Variants in CCT4 observed in about 807,000 individuals in gnomAD.
The protein encoded by CCT4 is T-complex protein 1 subunit delta.
A neutral mutation model predicts 62.5 loss-of-function variants in CCT4; 17 were observed. That is an observed-to-expected ratio of 0.27 (90% CI 0.19 to 0.41). The LOEUF (loss-of-function observed/expected upper bound fraction) is 0.41. Among genes scored for constraint, CCT4 ranks in the 10% least tolerant of loss-of-function variants. The pLI is 1.00. For missense variants in CCT4, 592 were observed against 659.2 expected, an observed-to-expected ratio of 0.90 and a Z score of 1.12; for synonymous variants, 250 against 229.9, an observed-to-expected ratio of 1.09 and a Z score of -0.79.
At chr2:61,873,462 T>C (rs561001554) in intron 8 of CCT4, among the ~76,000 whole-genome samples, 169 bp from the exon 9 acceptor site, 2 of 152,224 alleles carry the variant, frequency 1.3e-5, no homozygotes, top group Non-Finnish European at 2.9e-5. Context: ...TCCAATTCTA[T>C]TGGAAATTTT....
chr2:61,876,533 G>A (rs938295672), intron 7 of CCT4, among the ~76,000 whole-genome samples: 2 of 152,146 alleles, frequency 1.3e-5, no homozygotes, highest in Non-Finnish European at 2.9e-5. Context: ...TAATCTGTGT[G>A]AATTTGTAAA....
intron 10 of CCT4, among the ~76,000 whole-genome samples, 164 bp from the exon 11 acceptor site, chr2:61,872,752 C>T (rs1224665521): frequency 6.6e-6 from 1 of 152,178 alleles, no homozygotes; most frequent in Non-Finnish European, 1.5e-5. Context: ...ACAGTGAAAC[C>T]CCGTCTCTAC....
chr2:61,877,580 C>CA, intron 5 of CCT4, 66 bp from the exon 6 acceptor site: 1 of 1,223,550 alleles, frequency 8.2e-7, no homozygotes, highest in African/African-American at 1.6e-5. Flanking sequence ...TTTTCAATGA[C>CA]AAAGATACTT....
intron 3 of CCT4, among the ~76,000 whole-genome samples, chr2:61,880,923 T>A (rs1040814218): frequency 2.0e-5 from 3 of 151,980 alleles, no homozygotes; most frequent in Non-Finnish European, 2.9e-5. Flanking sequence ...CGGGGCCCCA[T>A]TATGTTCCCT....
rs767003656 is a variant in CCT4, at chr2:61,873,086, A to G, written c.1041T>C (p.His347=). 1 of 1,611,484 alleles carries G rather than the reference A, an allele frequency of 6.2e-7. No individual in the cohort carries two copies. Among genetic ancestry groups the G allele is most frequent in the Non-Finnish European group, 8.5e-7 (1 of 1,177,518 alleles). Residue 347 remains histidine (H), a synonymous_variant, in exon 10 of 14, where the codon CAT becomes CAC. Transcript: ENST00000394440. The part of the protein sequence containing the change: ...CKTIGTKPVA[H]IDQFTADMLG... ...GCATGTCAGCAGTAAATTGGTCAAT[A>G]TGAGCAACTGGCTTGGTTCCAATTG...
rs776361122 is a variant in CCT4 at position 61,869,511 on chromosome 2, G to A, written c.1534C>T (p.Leu512=). 1.9e-6 allele frequency: 3 copies of A among 1,612,534 alleles called. No individual in the cohort carries two copies. The highest frequency in any genetic ancestry group is 3.3e-4 in the Middle Eastern group (2 of 6,062). The change falls in exon 13 of 14, where the codon CTG becomes TTG. Residue 512 remains leucine, a synonymous_variant. Coordinates refer to ENST00000394440, the MANE Select transcript of CCT4 (RefSeq NM_006430.4). The stretch of plus-strand genomic sequence containing the variant: ...GTCAGAGCACTGACTGATACCAACA[G>A]AGGCTGGACAACCAGTTCCTCCAAA... ...NILEELVVQP[L]LVSVSALTLA... is the part of the protein sequence containing the mutation.
At chr2:61,879,836 G>C (rs1395184709) in intron 4 of CCT4, among the ~76,000 whole-genome samples, 1 of 151,216 alleles carries the variant, frequency 6.6e-6, no homozygotes, top group Non-Finnish European at 1.5e-5. Flanking sequence ...TCTACCTCCC[G>C]GGTTCAAGTG....
rs1351679798 is a variant in CCT4, at chr2:61,878,972, G to A, written c.419C>T (p.Ala140Val). The change falls in exon 5 of 14, where the codon GCC becomes GTC. Residue 140 changes from alanine (A) to valine (V), a missense_variant. This residue lies in a region of CCT4 where 522 missense variants were observed against 571.2 expected (regional missense o/e 0.91). Coordinates refer to ENST00000394440, the MANE Select transcript of CCT4 (RefSeq NM_006430.4). ...PTIISESFQK[A>V]LEKGIEILTD... is the part of the protein sequence containing the mutation. ...CAAGATTTCAATGCCCTTTTCCAGG[G>A]CCTTCTGGAATGACTCAGAAATGAT... 39 of 1,609,488 alleles carry A rather than the reference G, an allele frequency of 2.4e-5. No homozygotes were observed. The East Asian group carries it at 8.3e-4, about 34-fold the overall frequency.
rs1438435307 is a variant in CCT4, at chr2:61,876,087, C to G, written c.917+8G>C. The G allele has an allele frequency of 3.2e-6, 5 of 1,578,160 alleles. No homozygotes were observed. The highest frequency in any genetic ancestry group is 4.3e-6 in the Non-Finnish European group (5 of 1,153,368). On this transcript the variant is annotated splice_region_variant and intron_variant, in intron 8 of 13. Coordinates refer to ENST00000394440, the MANE Select transcript of CCT4 (RefSeq NM_006430.4). ...ATTAAGGGATGAACAAAATAAATAG[C>G]CCCACACCTTAGAATAGATTTCTGT...
At chr2:61,869,233 G>A (rs1668834368) in intron 13 of CCT4, among the ~76,000 whole-genome samples, 2 of 151,420 alleles carry the variant, frequency 1.3e-5, no homozygotes, top group African/African-American at 4.9e-5. Context: ...CTACTCAGGA[G>A]GATGAGACAG....
chr2:61,886,796 G>A (rs1436662861), intron 1 of CCT4, among the ~76,000 whole-genome samples: 6 of 149,918 alleles, frequency 4.0e-5, no homozygotes, highest in Admixed American at 4.0e-4. Flanking sequence ...AGTTTCGCTC[G>A]TCACCCTGGC....
At chr2:61,873,844 G>GGATTAAAGTGGCT (rs1668939907) in intron 8 of CCT4, among the ~76,000 whole-genome samples, 1 of 152,122 alleles carries the variant, frequency 6.6e-6, no homozygotes, top group South Asian at 2.1e-4. Context: ...GGGATTACAG[G>GGATTAAAGTGGCT]CATGAGCCAC....
intron 1 of CCT4, among the ~76,000 whole-genome samples, chr2:61,886,846 GC>G: frequency 6.6e-6 from 1 of 151,424 alleles, no homozygotes; most frequent in Middle Eastern, 3.4e-3. Flanking sequence ...GGCAACCTCC[GC>G]CTCCCAGGTT....
intron 1 of CCT4, 180 bp downstream of exon 1, chr2:61,888,201 C>T: frequency 2.8e-6 from 2 of 714,984 alleles, no homozygotes; most frequent in East Asian, 2.9e-5. Context: ...CTCCATACTC[C>T]GGGTTGGCGA....
intron 2 of CCT4, 105 bp downstream of exon 2, chr2:61,884,915 C>G: frequency 1.0e-6 from 1 of 975,834 alleles, no homozygotes; most frequent in South Asian, 1.5e-5. Flanking sequence ...TGTGAGCCAC[C>G]ACGCCCAGCC....
Position 61,880,324 on chromosome 2 carries a change from C to A in CCT4, c.341G>T (p.Gly114Val), listed in dbSNP as rs1192184864. ...DGTTSVVIIA[G>V]SLLDSCTKLL... ...CTTGGTACAAGAATCTAAGAGGGAG[C>A]CAGCAATGATGACTACTGATGTGGT... The change falls in exon 4 of 14, where the codon GGC (glycine) becomes GTC (valine). Residue 114 changes from glycine to valine, a missense_variant. Gly to Val is a moderately radical substitution (Grantham distance 109, BLOSUM62 -3). Coordinates refer to ENST00000394440, the MANE Select transcript of CCT4 (RefSeq NM_006430.4). 1.2e-6 allele frequency: 2 copies of A among 1,603,948 alleles called. No individual in the cohort carries two copies. Among genetic ancestry groups the A allele is most frequent in the African/African-American group, 2.7e-5 (2 of 74,508 alleles).
In CCT4 at chr2:61,876,952, T is replaced by C; in HGVS notation, c.745A>G (p.Ile249Val). ...TRVEKAKIGLIQFCLSAPKTD... is the reference protein window; with the variant it reads ...TRVEKAKIGLVQFCLSAPKTD... ...TTGGGAGCAGATAAGCAAAACTGAA[T>C]AAGCCCAATCTTGGCCTTTTCAACT... is the stretch of plus-strand genomic sequence containing the variant. The change falls in exon 7 of 14, where the codon ATT becomes GTT. Residue 249 changes from isoleucine (I) to valine (V), a missense_variant. Around this residue, in one of 3 missense-constraint regions of CCT4, gnomAD observed 522 missense variants for 571.2 expected, o/e 0.91. Coordinates refer to ENST00000394440, the MANE Select transcript of CCT4 (RefSeq NM_006430.4). The C allele has an allele frequency of 1.2e-6, 2 of 1,613,726 alleles. No homozygotes were observed. The highest frequency in any genetic ancestry group is 8.5e-7 in the Non-Finnish European group (1 of 1,179,820).
intron 8 of CCT4, among the ~76,000 whole-genome samples, 178 bp from the exon 9 acceptor site, chr2:61,873,471 T>A (rs960825905): frequency 6.6e-6 from 1 of 152,218 alleles, no homozygotes; most frequent in Non-Finnish European, 1.5e-5. Context: ...ATTGGAAATT[T>A]TAGTACAATT....
chr2:61,875,406 A>G (rs2105130015), intron 8 of CCT4, among the ~76,000 whole-genome samples: 1 of 151,152 alleles, frequency 6.6e-6, no homozygotes, highest in East Asian at 2.0e-4. Flanking sequence ...GTAAAACCCC[A>G]TCTCTACTCA....
Sources: gnomAD v4.1 joint callset for allele counts (sites outside exome capture counted in the v4.1 genomes callset) on GRCh38, gnomAD v4.1.1 for gene constraint, gnomAD v4.1.1 regional missense constraint, MANE v1.5 for transcripts, NCBI Gene and HGNC (gene_info 2026-07-23, HGNC 2026-07-21) for gene names.